Variants in C19orf12 observed in about 807,000 individuals in gnomAD.
The protein encoded by C19orf12 is chromosome 19 open reading frame 12.
A neutral mutation model predicts 3.8 loss-of-function variants in C19orf12; 2 were observed. That is an observed-to-expected ratio of 0.53 (90% CI 0.22 to 1.66). C19orf12 has a LOEUF of 1.66. C19orf12 is among the 40% of genes most tolerant of loss of function. The probability of loss-of-function intolerance (pLI) is 0.20; values close to 1 mark genes in which losing one functional copy is unlikely to be tolerated. For missense variants in C19orf12, 156 were observed against 188.8 expected (o/e 0.83, Z 1.02); for synonymous variants, 89 against 84.6 (o/e 1.05, Z -0.28).
chr19:29,708,422 G>T lies in C19orf12; in HGVS notation c.-9C>A. The T allele has an allele frequency of 1.9e-6, 3 of 1,613,430 alleles. No homozygotes were observed. Among genetic ancestry groups the T allele is most frequent in the Non-Finnish European group, 2.5e-6 (3 of 1,180,016 alleles). On this transcript the variant is annotated splice_region_variant and 5_prime_UTR_variant, in exon 2 of 3. Transcript: ENST00000323670. The stretch of plus-strand genomic sequence containing the variant: ...TCCACCATGATAGTCATCGTGGCGG[G>T]CCTTCGAGGGAGAAGTTCAGAGGGA...
intron 1 of C19orf12, among the ~76,000 whole-genome samples, chr19:29,709,745 G>A (rs750309062): frequency 2.0e-5 from 3 of 152,000 alleles, no homozygotes; most frequent in Non-Finnish European, 4.4e-5. Flanking sequence ...GCCCAGGCTG[G>A]TCTTGAACTC....
In C19orf12 at chr19:29,700,667, G is replaced by A. The variant is rs1428458666; in HGVS notation, c.*2045C>T. On this transcript the variant is annotated 3_prime_UTR_variant, in exon 3 of 3. Transcript: ENST00000323670. ...TAAAGTGGCTTCATTAACTCCAGGA[G>A]TGTGGCCTGTGCTAGGGCACCTGAT... 1 of 454,118 alleles carries A rather than the reference G, an allele frequency of 2.2e-6. No homozygotes were observed. Among genetic ancestry groups the A allele is most frequent in the East Asian group, 6.9e-5 (1 of 14,390 alleles). 28.1% of individuals were successfully genotyped at this position (454,118 alleles called of 1,614,324 possible). A position where few individuals can be genotyped will look rare whatever the true frequency, so the allele number is the denominator to read the frequency against.
At chr19:29,709,495 G>A (rs1053068958) in intron 1 of C19orf12, among the ~76,000 whole-genome samples, 2 of 151,948 alleles carry the variant, frequency 1.3e-5, no homozygotes, top group African/African-American at 4.8e-5. Context: ...CAATTCAACT[G>A]AGGAAGTTAT....
chr19:29,711,602 G>T lies in C19orf12; in HGVS notation c.-10-3179C>A, dbSNP rs190397803. Among the ~76,000 whole-genome samples, 591 of 152,320 alleles carry T rather than the reference G, an allele frequency of 3.9e-3. 6 individuals are homozygous for T. The highest frequency in any genetic ancestry group is 0.012 in the African/African-American group (488 of 41,568). ...CCCTGAGCCCTGCCATGCTTGGTCT[G>T]CAAGGCTGGCTTCCAGGCCAGCACC... On this transcript the variant is annotated intron_variant, in intron 1 of 2. Transcript: ENST00000323670.
rs1162710268 is a variant in C19orf12, at chr19:29,702,303, G to A, written c.*409C>T. On this transcript the variant is annotated 3_prime_UTR_variant, in exon 3 of 3. Coordinates refer to ENST00000323670, the MANE Select transcript of C19orf12 (RefSeq NM_031448.6). Reference sequence around the variant, plus strand: ...GGTGGGATCCAGTCCTGCAGCAGGTGCTCTGAAGAGGAGTCATCTCCCAAG... The same window carrying A: ...GGTGGGATCCAGTCCTGCAGCAGGTACTCTGAAGAGGAGTCATCTCCCAAG... 1 of 462,180 alleles carries A rather than the reference G, an allele frequency of 2.2e-6. No homozygotes were observed. Among genetic ancestry groups the A allele is most frequent in the African/African-American group, 2.0e-5 (1 of 50,452 alleles). The allele number at this position is 462,180 out of a possible 1,614,324, so 28.6% of individuals were successfully genotyped here.
chr19:29,700,211 G>C lies in C19orf12; in HGVS notation c.*2501C>G. 1 of 454,030 alleles carries C rather than the reference G, an allele frequency of 2.2e-6. No homozygotes were observed. Among genetic ancestry groups the C allele is most frequent in the Non-Finnish European group, 4.4e-6 (1 of 226,702 alleles). 28.1% of individuals were successfully genotyped at this position (454,030 alleles called of 1,614,324 possible). On this transcript the variant is annotated 3_prime_UTR_variant, in exon 3 of 3. Transcript: ENST00000323670. ...ACACAGACCAGGACCTGATGCACGA[G>C]TAAGAATGAATGGGGCCCAATCGCC...
At position 29,715,053 on chromosome 19, in the gene C19orf12, C is replaced by T. The variant is rs1283184902; in HGVS notation, c.-11+72G>A. On this transcript the variant is annotated intron_variant, in intron 1 of 2. Coordinates refer to ENST00000323670, the MANE Select transcript of C19orf12 (RefSeq NM_031448.6). Reference sequence around the variant, plus strand: ...GCACTCCCGGGTCTCCAGGCCTGCTCTTGGGGTGCCCCCTCCTCTCGCGGG... The same window carrying T: ...GCACTCCCGGGTCTCCAGGCCTGCTTTTGGGGTGCCCCCTCCTCTCGCGGG... 9 of 662,964 alleles carry T rather than the reference C, an allele frequency of 1.4e-5. No homozygotes were observed. The Admixed American group carries it at 2.0e-4, about 15-fold the overall frequency. The allele number at this position is 662,964 out of a possible 1,614,324, so 41.1% of individuals were successfully genotyped here.
In C19orf12 at chr19:29,703,951, T is replaced by C. The variant is rs546040232; in HGVS notation, c.161-974A>G. Among the ~76,000 whole-genome samples the C allele has an allele frequency of 9.7e-3, 1,469 of 151,298 alleles. 24 individuals are homozygous for C. The highest frequency in any genetic ancestry group is 0.034 in the African/African-American group (1,405 of 41,284). ...GTTGCAGTGAGCCGAGATCATACCC[T>C]TGCACTCCAGCCTGGGTGACAGAGC... is the stretch of plus-strand genomic sequence containing the variant. On this transcript the variant is annotated intron_variant, in intron 2 of 2. Coordinates refer to ENST00000323670, the MANE Select transcript of C19orf12 (RefSeq NM_031448.6).
chr19:29,708,971 T>G (rs1229768456), intron 1 of C19orf12, among the ~76,000 whole-genome samples: 1 of 152,170 alleles, frequency 6.6e-6, no homozygotes, highest in African/African-American at 2.4e-5. Context: ...GGCTGGACTC[T>G]CAGACAGTGC....
At chr19:29,704,845 C>T (rs866161440) in intron 2 of C19orf12, among the ~76,000 whole-genome samples, 2 of 152,172 alleles carry the variant, frequency 1.3e-5, no homozygotes, top group South Asian at 4.1e-4. Context: ...ATGGACCTTC[C>T]GAGGCCCAGG....
At chr19:29,708,216 C>T in intron 2 of C19orf12, 38 bp downstream of exon 2, 2 of 1,605,038 alleles carry the variant, frequency 1.2e-6, no homozygotes, top group Non-Finnish European at 8.5e-7. Context: ...TTATGACATC[C>T]CCGAGGCTGG....
At position 29,699,785 on chromosome 19, in the gene C19orf12, C is replaced by T. The variant is rs781515208; in HGVS notation, c.*2927G>A. On this transcript the variant is annotated 3_prime_UTR_variant, in exon 3 of 3. Transcript: ENST00000323670. Reference sequence around the variant, plus strand: ...CCTTCCCTTGCAGCTTGCGCCCTCCCGTACCTTTTAAATTTTGTACCAGGC... The same window carrying T: ...CCTTCCCTTGCAGCTTGCGCCCTCCTGTACCTTTTAAATTTTGTACCAGGC... 7 of 451,884 alleles carry T rather than the reference C, an allele frequency of 1.5e-5. No homozygotes were observed. Among genetic ancestry groups the T allele is most frequent in the Admixed American group, 4.7e-5 (2 of 42,120 alleles). The allele number at this position is 451,884 out of a possible 1,614,324, so 28.0% of individuals were successfully genotyped here.
In C19orf12 at chr19:29,702,202, GA is replaced by G. The variant is rs1972123102; in HGVS notation, c.*509del. 1.3e-5 allele frequency: 6 copies of G among 454,160 alleles called. No homozygotes were observed. The highest frequency in any genetic ancestry group is 7.8e-5 in the South Asian group (5 of 64,482). 28.1% of individuals were successfully genotyped at this position (454,160 alleles called of 1,614,324 possible). A position where few individuals can be genotyped will look rare whatever the true frequency, so the allele number is the denominator to read the frequency against. On this transcript the variant is annotated 3_prime_UTR_variant, in exon 3 of 3. Transcript: ENST00000323670. ...GCCATTCGACAGTCCCTGGGTAGGG[GA>G]CGGTTGCACTAGGAGGTAAACATGA...
Position 29,715,260 on chromosome 19 carries a change from C to A in C19orf12, c.-146G>T. 2.6e-6 allele frequency: 1 copy of A among 389,130 alleles called. No homozygotes were observed. The allele number at this position is 389,130 out of a possible 1,614,324, so 24.1% of individuals were successfully genotyped here. On this transcript the variant is annotated 5_prime_UTR_variant, in exon 1 of 3. Coordinates refer to ENST00000323670, the MANE Select transcript of C19orf12 (RefSeq NM_031448.6). ...GCAGGCCTTGGTGGCGGCCCCGGCG[C>A]TGGCCCCGCCCTCCGTCCCACCTTC... is the stretch of plus-strand genomic sequence containing the variant.
At chr19:29,703,378 CTTTT>C (rs1165470646) in intron 2 of C19orf12, among the ~76,000 whole-genome samples, 16 of 128,374 alleles carry the variant, frequency 1.2e-4, no homozygotes, top group African/African-American at 4.2e-4. Context: ...TTTTTCTTTT[CTTTT>C]TTTTTTTTTT....
intron 2 of C19orf12, chr19:29,705,484 T>A (rs1972327923): frequency 3.7e-6 from 1 of 272,312 alleles, no homozygotes; most frequent in Admixed American, 4.6e-5. Context: ...TTAATAGTAA[T>A]GTATTCGTTG....
chr19:29,702,341 CG>C lies in C19orf12; in HGVS notation c.*370del. On this transcript the variant is annotated 3_prime_UTR_variant, in exon 3 of 3. Transcript: ENST00000323670. ...GTCATCTCCCAAGATGAGAAGGCCC[CG>C]GGGGGAGGATGAAGTGTGGTCAGAC... 2.1e-6 allele frequency: 1 copy of C among 483,110 alleles called. No individual in the cohort carries two copies. Among genetic ancestry groups the C allele is most frequent in the Non-Finnish European group, 4.1e-6 (1 of 246,734 alleles). 29.9% of individuals were successfully genotyped at this position (483,110 alleles called of 1,614,324 possible). A position where few individuals can be genotyped will look rare whatever the true frequency, so the allele number is the denominator to read the frequency against.
intron 1 of C19orf12, among the ~76,000 whole-genome samples, chr19:29,710,728 G>C (rs1175415183): frequency 6.6e-6 from 1 of 152,158 alleles, no homozygotes; most frequent in Non-Finnish European, 1.5e-5. Context: ...CCTGTGCCCT[G>C]GGTCTCCCAA....
In C19orf12 at chr19:29,699,222, C is replaced by T. The variant is rs1045007854; in HGVS notation, c.*3490G>A. On this transcript the variant is annotated 3_prime_UTR_variant, in exon 3 of 3. Coordinates refer to ENST00000323670, the MANE Select transcript of C19orf12 (RefSeq NM_031448.6). ...GTGGCTCACGCCTGTAATCCCAGCA[C>T]TTTGGGAGGCTGAGGTGGGCAGATC... 49 of 453,304 alleles carry T rather than the reference C, an allele frequency of 1.1e-4. No individual in the cohort carries two copies. The highest frequency in any genetic ancestry group is 2.1e-4 in the Non-Finnish European group (48 of 226,554). 28.1% of individuals were successfully genotyped at this position (453,304 alleles called of 1,614,324 possible). A position where few individuals can be genotyped will look rare whatever the true frequency, so the allele number is the denominator to read the frequency against.
Sources: gnomAD v4.1 joint callset for allele counts (sites outside exome capture counted in the v4.1 genomes callset) on GRCh38, gnomAD v4.1.1 for gene constraint, MANE v1.5 for transcripts, NCBI Gene and HGNC (gene_info 2026-07-23, HGNC 2026-07-21) for gene names.